The following KLHDC1 variants were observed in gnomAD, a reference collection of about 807,000 sequenced individuals.
KLHDC1 encodes kelch domain containing 1.
In KLHDC1, 53 loss-of-function variants were observed where a neutral mutation model predicts 68.3. The observed-to-expected ratio is 0.78, with a 90% CI of 0.62 to 0.98. The LOEUF is 0.98. KLHDC1 is among the 50% of genes least tolerant of loss of function. KLHDC1 has a pLI of 0.00. For missense variants in KLHDC1, 470 were observed against 492.3 expected, an observed-to-expected ratio of 0.95 and a Z score of 0.43; for synonymous variants, 148 against 159.0, an observed-to-expected ratio of 0.93 and a Z score of 0.52.
At chr14:49,744,746 G>T (rs1471310972) in intron 12 of KLHDC1, among the ~76,000 whole-genome samples, 1 of 152,078 alleles carries the variant, frequency 6.6e-6, no homozygotes, top group African/African-American at 2.4e-5. Flanking sequence ...TACATGTTCA[G>T]TACAGATGCA....
rs142765336 is a variant in KLHDC1, at chr14:49,701,598, G to A, written c.97-7561G>A. 8.0e-4 allele frequency among the ~76,000 whole-genome samples: 121 copies of A among 152,166 alleles called. 1 individual carries two copies. The South Asian group carries it at 0.013, about 16-fold the overall frequency. On this transcript the variant is annotated intron_variant, in intron 1 of 12. Transcript: ENST00000359332. ...TGCTTGAACCCGGAGGGTGGAGGTT[G>A]TGGTGAGCCGAGATTGCGCCATTGC... is the stretch of plus-strand genomic sequence containing the variant.
intron 11 of KLHDC1, among the ~76,000 whole-genome samples, chr14:49,742,932 C>T (rs1440898522): frequency 2.0e-5 from 3 of 151,274 alleles, no homozygotes; most frequent in South Asian, 2.1e-4. Flanking sequence ...ACCAGCTGGA[C>T]GTGGTAGCCT....
chr14:49,748,378 G>C (rs1889247365), intron 12 of KLHDC1, among the ~76,000 whole-genome samples: 1 of 152,168 alleles, frequency 6.6e-6, no homozygotes, highest in African/African-American at 2.4e-5. Context: ...TCTCAAGAAA[G>C]CTGCACACAC....
rs536626512 is a variant in KLHDC1 at position 49,753,065 on chromosome 14, G to C, written c.*1293G>C. On this transcript the variant is annotated 3_prime_UTR_variant, in exon 13 of 13. Coordinates refer to ENST00000359332, the MANE Select transcript of KLHDC1 (RefSeq NM_172193.3). ...TCTATGTATTGAAATATTTTTTTAC[G>C]TTTTATTTATTGTACAAAGTGTATA... The C allele has an allele frequency of 2.0e-5, 3 of 151,676 alleles. No individual in the cohort carries two copies. Among genetic ancestry groups the C allele is most frequent in the African/African-American group, 7.3e-5 (3 of 41,362 alleles). The allele number at this position is 151,676 out of a possible 1,614,324, so 9.4% of individuals were successfully genotyped here. A position where few individuals can be genotyped will look rare whatever the true frequency, so the allele number is the denominator to read the frequency against.
chr14:49,735,194 T>G (rs1055840184), intron 10 of KLHDC1, among the ~76,000 whole-genome samples: 2 of 151,878 alleles, frequency 1.3e-5, no homozygotes, highest in Admixed American at 6.6e-5. Context: ...AATTAAAAAT[T>G]TTAGAAATTA....
intron 1 of KLHDC1, among the ~76,000 whole-genome samples, chr14:49,706,109 G>A (rs1195180430): frequency 6.6e-6 from 1 of 152,024 alleles, no homozygotes; most frequent in Non-Finnish European, 1.5e-5. Flanking sequence ...GTACCCATTA[G>A]CCATCCCTAC....
At chr14:49,729,429 G>T in intron 7 of KLHDC1, 61 bp from the exon 8 acceptor site, 1 of 1,134,818 alleles carries the variant, frequency 8.8e-7, no homozygotes, top group Non-Finnish European at 1.3e-6. Context: ...TACTTTAAAA[G>T]AAAAATTTTA....
intron 6 of KLHDC1, among the ~76,000 whole-genome samples, chr14:49,726,191 C>T (rs2139754438): frequency 6.6e-6 from 1 of 152,190 alleles, no homozygotes. Flanking sequence ...AATCACATAC[C>T]AAGTAGTTCT....
At chr14:49,705,365 C>CTTTTTTTGTTTTTTTT in intron 1 of KLHDC1, among the ~76,000 whole-genome samples, 1 of 71,664 alleles carries the variant, frequency 1.4e-5, no homozygotes, top group Non-Finnish European at 2.4e-5. Context: ...TTCTTTCTTT[C>CTTTTTTTGTTTTTTTT]TTTTTTTTTT....
intron 4 of KLHDC1, among the ~76,000 whole-genome samples, chr14:49,715,766 A>ATG (rs1888360279): frequency 1.1e-5 from 1 of 94,092 alleles, no homozygotes; most frequent in African/African-American, 4.2e-5. Flanking sequence ...AAAAAAAAAA[A>ATG]TATATATATA....
rs185082331 is a variant in KLHDC1, at chr14:49,724,520, A to G, written c.483+568A>G. On this transcript the variant is annotated intron_variant, in intron 5 of 12. Transcript: ENST00000359332. Reference sequence around the variant, plus strand: ...GTTTTACCTTCTACTAGCGTATATTATTCTACATTAGTGTAAATACATATA... The same window carrying G: ...GTTTTACCTTCTACTAGCGTATATTGTTCTACATTAGTGTAAATACATATA... 6.9e-4 allele frequency among the ~76,000 whole-genome samples: 105 copies of G among 152,132 alleles called. 1 individual carries two copies. The East Asian group carries it at 0.019, about 28-fold the overall frequency.
rs766105325 is a variant in KLHDC1 at position 49,723,999 on chromosome 14, C to G, written c.483+47C>G. 8.7e-6 allele frequency: 9 copies of G among 1,032,166 alleles called. No homozygotes were observed. The East Asian group carries it at 2.2e-4, about 25-fold the overall frequency. 63.9% of individuals were successfully genotyped at this position (1,032,166 alleles called of 1,614,324 possible). On this transcript the variant is annotated intron_variant, in intron 5 of 12. Coordinates refer to ENST00000359332, the MANE Select transcript of KLHDC1 (RefSeq NM_172193.3). ...ACATTTTCCTCCAAGTCAGTATAGC[C>G]TTAACATCTTAGAAATAATGAGTCT...
At chr14:49,741,711 G>A (rs571106890) in intron 11 of KLHDC1, among the ~76,000 whole-genome samples, 1 of 152,274 alleles carries the variant, frequency 6.6e-6, no homozygotes, top group Admixed American at 6.5e-5. Context: ...AAGGTCAGAG[G>A]CATAAATGAG....
At position 49,709,746 on chromosome 14, in the gene KLHDC1, AT is replaced by A; in HGVS notation, c.206del (p.Met69SerfsTer68). On this transcript the variant is annotated frameshift_variant, in exon 3 of 13. Coordinates refer to ENST00000359332, the MANE Select transcript of KLHDC1 (RefSeq NM_172193.3). LOFTEE classifies it high-confidence loss of function. ...HLMEGELPAS[M>X]SGSCGACING... The stretch of plus-strand genomic sequence containing the variant: ...CATGGAAGGAGAACTCCCAGCCTCC[AT>A]GTCAGGAAGCTGTGGTGCTTGCATT... 1 of 1,603,482 alleles carries A rather than the reference AT, an allele frequency of 6.2e-7. No individual in the cohort carries two copies. The highest frequency in any genetic ancestry group is 8.5e-7 in the Non-Finnish European group (1 of 1,175,424).
chr14:49,713,818 A>T (rs531649701), intron 4 of KLHDC1, among the ~76,000 whole-genome samples: 1 of 1,852 alleles, frequency 5.4e-4, no homozygotes, highest in African/African-American at 7.1e-4. Context: ...ATATATATAT[A>T]TATATATATA....
At position 49,732,669 on chromosome 14, in the gene KLHDC1, A is replaced by G. The variant is rs369225395; in HGVS notation, c.711-35A>G. 11 of 1,072,748 alleles carry G rather than the reference A, an allele frequency of 1.0e-5. No individual in the cohort carries two copies. The African/African-American group carries it at 1.3e-4, about 12-fold the overall frequency. The allele number at this position is 1,072,748 out of a possible 1,614,324, so 66.5% of individuals were successfully genotyped here. ...TTAAAAACCTTTTATTTTGATTAAT[A>G]TAGTACCTAGACTTTCTTTTTCTCC... is the stretch of plus-strand genomic sequence containing the variant. On this transcript the variant is annotated intron_variant, in intron 8 of 12. Coordinates refer to ENST00000359332, the MANE Select transcript of KLHDC1 (RefSeq NM_172193.3).
chr14:49,712,504 T>G (rs1472452730), intron 4 of KLHDC1, among the ~76,000 whole-genome samples: 2 of 143,228 alleles, frequency 1.4e-5, no homozygotes, highest in Non-Finnish European at 3.0e-5. Flanking sequence ...TAGATTTTCT[T>G]TTTTTTTTTT....
intron 8 of KLHDC1, among the ~76,000 whole-genome samples, chr14:49,730,463 G>A (rs370973514): frequency 5.3e-5 from 8 of 151,912 alleles, no homozygotes; most frequent in Middle Eastern, 6.8e-3. Flanking sequence ...CTTGTGATCC[G>A]CCCACCTTGG....
At position 49,696,068 on chromosome 14, in the gene KLHDC1, A is replaced by G. The variant is rs574249966; in HGVS notation, c.96+2778A>G. Among the ~76,000 whole-genome samples, 448 of 110,714 alleles carry G rather than the reference A, an allele frequency of 4.0e-3. 3 individuals carry two copies. Among genetic ancestry groups the G allele is most frequent in the African/African-American group, 0.014 (428 of 31,412 alleles). The allele number at this position is 110,714 out of a possible 152,430, so 72.6% of individuals were successfully genotyped here. A position where few individuals can be genotyped will look rare whatever the true frequency, so the allele number is the denominator to read the frequency against. The stretch of plus-strand genomic sequence containing the variant: ...GCGACAGAGTGAGACTCTGTCTCAG[A>G]AAAAAAAAAAAAAAAATCTATTGTT... On this transcript the variant is annotated intron_variant, in intron 1 of 12. Coordinates refer to ENST00000359332, the MANE Select transcript of KLHDC1 (RefSeq NM_172193.3).
Sources: gnomAD v4.1 joint callset for allele counts (sites outside exome capture counted in the v4.1 genomes callset) on GRCh38, gnomAD v4.1.1 for gene constraint, MANE v1.5 for transcripts, NCBI Gene and HGNC (gene_info 2026-07-23, HGNC 2026-07-21) for gene names.